Variants in NUB1 observed in about 807,000 individuals in gnomAD.
NUB1 encodes the protein negative regulator of ubiquitin like proteins 1, also known as NEDD8 ultimate buster 1.
In NUB1, 41 loss-of-function variants were observed where a neutral mutation model predicts 77.1. The ratio of observed to expected loss-of-function variants is 0.53; its 90% CI spans 0.41 to 0.69. NUB1 has a LOEUF of 0.69. Ranked by LOEUF, NUB1 falls within the 30% of genes least tolerant of loss-of-function variation. NUB1 has a pLI of 0.00. For synonymous variants in NUB1, 257 were observed against 281.0 expected (o/e 0.91, Z 0.85); for missense variants, 643 against 743.8 (o/e 0.86, Z 1.58).
intron 11 of NUB1, 106 bp from the exon 12 acceptor site, chr7:151,373,991 T>G: frequency 7.6e-7 from 1 of 1,319,802 alleles, no homozygotes. Context: ...TTTGCTTTGG[T>G]TTTTTGGCTT....
intron 5 of NUB1, among the ~76,000 whole-genome samples, chr7:151,355,196 T>C (rs1373572285): frequency 6.6e-6 from 1 of 152,240 alleles, no homozygotes; most frequent in South Asian, 2.1e-4. Flanking sequence ...CTCCCTGTAG[T>C]AGATTATCAA....
chr7:151,355,016 T>G (rs1796998296), intron 5 of NUB1, among the ~76,000 whole-genome samples: 1 of 152,146 alleles, frequency 6.6e-6, no homozygotes, highest in African/African-American at 2.4e-5. Context: ...AGTACTGAGA[T>G]TACAGGTGTG....
chr7:151,375,158 C>G (rs1333561975), intron 12 of NUB1, among the ~76,000 whole-genome samples: 1 of 152,144 alleles, frequency 6.6e-6, no homozygotes, highest in Admixed American at 6.5e-5. Context: ...GCCCTGTTCC[C>G]CGGAAGGCTC....
chr7:151,353,233 C>T (rs187455732), intron 5 of NUB1, among the ~76,000 whole-genome samples: 2 of 152,118 alleles, frequency 1.3e-5, no homozygotes, highest in Non-Finnish European at 2.9e-5. Context: ...TGGTGGCGTG[C>T]GTTCCAGACT....
At chr7:151,341,976 A>C (rs1286511658) in intron 1 of NUB1, 130 bp downstream of exon 1, 3 of 1,311,890 alleles carry the variant, frequency 2.3e-6, no homozygotes, top group Non-Finnish European at 2.9e-6. Context: ...GTGAGCAGCC[A>C]TGCGTGGAGC....
chr7:151,359,370 G>C (rs1043875303), intron 7 of NUB1, among the ~76,000 whole-genome samples: 1 of 151,430 alleles, frequency 6.6e-6, no homozygotes, highest in African/African-American at 2.4e-5. Context: ...GTGAACCTGG[G>C]AGGTGGAGCT....
intron 4 of NUB1, 140 bp from the exon 5 acceptor site, chr7:151,352,672 G>A: frequency 1.6e-6 from 1 of 619,750 alleles, no homozygotes; most frequent in East Asian, 3.1e-5. Flanking sequence ...TGAATTCCTG[G>A]GCTCAAGCCA....
At chr7:151,370,801 T>TTTTG (rs1797925674) in intron 11 of NUB1, among the ~76,000 whole-genome samples, 1 of 151,776 alleles carries the variant, frequency 6.6e-6, no homozygotes. Context: ...GTGTTTGGTT[T>TTTTG]TTTGTTCTTG....
At position 151,349,224 on chromosome 7, in the gene NUB1, C is replaced by T; in HGVS notation, c.269C>T (p.Pro90Leu). ...ATTGCTACAATCGAGGTGTTTTTAC[C>T]ACCAAGACTAAAAAAAGTGAGTAAT... ...TGIATIEVFL[P>L]PRLKKDRKNL... The change falls in exon 3 of 15, where the codon CCA (proline) becomes CTA (leucine). Residue 90 changes from proline (P) to leucine (L), a missense_variant. Transcript: ENST00000568733. The T allele has an allele frequency of 6.2e-7, 1 of 1,607,218 alleles. No individual in the cohort carries two copies.
intron 8 of NUB1, chr7:151,360,565 T>C (rs1319341623): frequency 8.6e-6 from 2 of 233,822 alleles, no homozygotes; most frequent in Non-Finnish European, 1.7e-5. Flanking sequence ...GTAGTATTGA[T>C]GATTATTCCT....
intron 5 of NUB1, among the ~76,000 whole-genome samples, chr7:151,354,937 G>A (rs1441071961): frequency 6.6e-6 from 1 of 152,118 alleles, no homozygotes; most frequent in African/African-American, 2.4e-5. Context: ...TGGAGACGGG[G>A]TCCACTGTGT....
intron 3 of NUB1, among the ~76,000 whole-genome samples, chr7:151,350,897 C>T (rs950695620): frequency 1.3e-5 from 2 of 152,152 alleles, no homozygotes; most frequent in African/African-American, 4.8e-5. Context: ...TCTATTCATA[C>T]GATGGAAAAC....
At chr7:151,368,058 G>T in intron 10 of NUB1, 90 bp downstream of exon 10, 1 of 732,756 alleles carries the variant, frequency 1.4e-6, no homozygotes, top group Non-Finnish European at 2.3e-6. Flanking sequence ...TTTGTGACTT[G>T]TGAGAAACAT....
chr7:151,347,208 T>C (rs1049559423), intron 2 of NUB1, among the ~76,000 whole-genome samples: 3 of 152,124 alleles, frequency 2.0e-5, no homozygotes, highest in African/African-American at 7.2e-5. Context: ...ATCGTTAACA[T>C]AGGTATATTC....
intron 1 of NUB1, among the ~76,000 whole-genome samples, chr7:151,344,054 G>A (rs976205445): frequency 5.3e-5 from 8 of 150,594 alleles, no homozygotes; most frequent in Non-Finnish European, 1.0e-4. Flanking sequence ...GGTGGCGGGC[G>A]CCTGTAGTCC....
intron 12 of NUB1, among the ~76,000 whole-genome samples, chr7:151,375,433 T>C (rs1563032226): frequency 6.6e-6 from 1 of 152,156 alleles, no homozygotes; most frequent in Non-Finnish European, 1.5e-5. Flanking sequence ...TTAAGTATTG[T>C]GTGATGAAGA....
At chr7:151,344,772 G>A (rs1355411519) in intron 1 of NUB1, among the ~76,000 whole-genome samples, 1 of 152,110 alleles carries the variant, frequency 6.6e-6, no homozygotes, top group East Asian at 1.9e-4. Context: ...GACCAAGGTG[G>A]GTGGATCACT....
At chr7:151,343,186 T>C (rs1397183885) in intron 1 of NUB1, among the ~76,000 whole-genome samples, 2 of 152,228 alleles carry the variant, frequency 1.3e-5, no homozygotes, top group Non-Finnish European at 2.9e-5. Context: ...TGCTTTGCTG[T>C]GATAAGCCGT....
rs1339875648 is a variant in NUB1, at chr7:151,367,139, A to T, written c.987+14A>T. Reference sequence around the variant, plus strand: ...GTCCACATAAAAGTATGTTCCTGGAATTCATCTTATGTCTCGTTGAGTCCA... The same window carrying T: ...GTCCACATAAAAGTATGTTCCTGGATTTCATCTTATGTCTCGTTGAGTCCA... On this transcript the variant is annotated intron_variant, in intron 9 of 14. Coordinates refer to ENST00000568733, the MANE Select transcript of NUB1 (RefSeq NM_001243351.2). 1 of 1,600,664 alleles carries T rather than the reference A, an allele frequency of 6.2e-7. No homozygotes were observed.
Sources: gnomAD v4.1 joint callset for allele counts (sites outside exome capture counted in the v4.1 genomes callset) on GRCh38, gnomAD v4.1.1 for gene constraint, MANE v1.5 for transcripts, NCBI Gene and HGNC (gene_info 2026-07-23, HGNC 2026-07-21) for gene names.